LYG2: variants seen among roughly 807,000 people sequenced by gnomAD.
The protein encoded by LYG2 is lysozyme g2, also known as lysozyme g-like protein 2.
In LYG2, 25 loss-of-function variants were observed where a neutral mutation model predicts 22.4. That is an observed-to-expected ratio of 1.12 (90% CI 0.81 to 1.56). The LOEUF is 1.56. LYG2 is among the 40% of genes most tolerant of loss of function. The pLI is 0.00. For synonymous variants in LYG2, 88 were observed against 97.0 expected (o/e 0.91, Z 0.55); for missense variants, 266 against 269.5 (o/e 0.99, Z 0.09).
At chr2:99,260,752 T>C in the LYG2 span, among the ~76,000 whole-genome samples, 4 of 152,138 alleles carry the variant, frequency 2.6e-5, no homozygotes, top group Non-Finnish European at 5.9e-5. Context: ...AGCTTAAGCA[T>C]AGAAATTGGC....
At chr2:99,245,224 G>T in intron 5 of LYG2, 38 bp downstream of exon 5, 2 of 1,522,570 alleles carry the variant, frequency 1.3e-6, no homozygotes, top group African/African-American at 1.4e-5. Context: ...TGTGAGGAGG[G>T]ATGCAGTGGG....
At chr2:99,253,043 T>C (rs1188724347) in intron 3 of LYG2, among the ~76,000 whole-genome samples, 1 of 115,152 alleles carries the variant, frequency 8.7e-6, no homozygotes, top group Non-Finnish European at 1.8e-5. Context: ...AGCAAGACTC[T>C]GTCTCAAAAA....
chr2:99,243,522 A>ATAGATAGG, intron 6 of LYG2: 1 of 1,525,254 alleles, frequency 6.6e-7, no homozygotes, highest in Non-Finnish European at 8.9e-7. Context: ...AGATAGATAG[A>ATAGATAGG]TAGATAGATA....
intron 5 of LYG2, 24 bp from the exon 6 acceptor site, chr2:99,244,161 C>T (rs375881263): frequency 7.5e-6 from 12 of 1,608,314 alleles, no homozygotes; most frequent in South Asian, 1.1e-5. Context: ...ATAATAAAGT[C>T]AGCATCTGGA....
At position 99,242,453 on chromosome 2, in the gene LYG2, C is replaced by T. The variant is rs770299068; in HGVS notation, c.550G>A (p.Glu184Lys). 6.2e-7 allele frequency: 1 copy of T among 1,612,546 alleles called. No individual in the cohort carries two copies. The highest frequency in any genetic ancestry group is 8.5e-7 in the Non-Finnish European group (1 of 1,179,122). Reference sequence around the variant, plus strand: ...ATGTCCGATGGGGTGGCAATCGCTTCAATTCCTGACTTAAAAGCTGAGAGA... The same window carrying T: ...ATGTCCGATGGGGTGGCAATCGCTTTAATTCCTGACTTAAAAGCTGAGAGA... ...GGLSAFKSGI[E>K]AIATPSDIDN... Residue 184 changes from glutamate to lysine, a missense_variant, in exon 7 of 7, where the codon GAA becomes AAA. Glu to Lys is a moderately conservative substitution (Grantham distance 56). Transcript: ENST00000333017.
At chr2:99,244,547 C>A (rs2094012407) in intron 5 of LYG2, among the ~76,000 whole-genome samples, 1 of 152,240 alleles carries the variant, frequency 6.6e-6, no homozygotes, top group East Asian at 1.9e-4. Flanking sequence ...TCCCCTTCCT[C>A]CAGTTTACCC....
chr2:99,243,442 T>A, intron 6 of LYG2: 2 of 1,550,094 alleles, frequency 1.3e-6, no homozygotes, highest in Non-Finnish European at 1.7e-6. Context: ...ATTTGGAAAG[T>A]TGTTGACAGT....
intron 6 of LYG2, chr2:99,243,687 G>A: frequency 2.1e-6 from 1 of 474,972 alleles, no homozygotes; most frequent in Non-Finnish European, 3.6e-6. Flanking sequence ...GTGTCACCAT[G>A]CCCAGCTTTT....
At chr2:99,259,959 CTTTTTTT>C (rs56186823), upstream of LYG2, among the ~76,000 whole-genome samples, 8 of 114,924 alleles carry the variant, frequency 7.0e-5, no homozygotes, top group African/African-American at 1.0e-4. Flanking sequence ...CAAAAGTAAA[CTTTTTTT>C]TTTTTTTTTT....
chr2:99,256,191 C>T (rs1041254757), upstream of LYG2, among the ~76,000 whole-genome samples: 1 of 152,194 alleles, frequency 6.6e-6, no homozygotes, highest in East Asian at 1.9e-4. Flanking sequence ...CATGCCCTCC[C>T]CAAGCTGAGG....
At chr2:99,248,736 TAATAA>T (rs577846030) in intron 3 of LYG2, among the ~76,000 whole-genome samples, 25 of 148,828 alleles carry the variant, frequency 1.7e-4, no homozygotes, top group East Asian at 5.9e-4. Flanking sequence ...AGTATAATAA[TAATAA>T]AATAAAATAA....
chr2:99,252,419 C>T (rs2094028266), intron 3 of LYG2, among the ~76,000 whole-genome samples: 1 of 152,018 alleles, frequency 6.6e-6, no homozygotes, highest in Admixed American at 6.5e-5. Flanking sequence ...CTCTCTCTTC[C>T]CTTTTTCCTC....
intron 2 of LYG2, 130 bp from the exon 3 acceptor site, chr2:99,254,415 G>A: frequency 4.4e-6 from 2 of 450,328 alleles, no homozygotes; most frequent in East Asian, 4.9e-5. Flanking sequence ...TTTCAAGATA[G>A]TATTCTCACA....
At chr2:99,251,875 T>G (rs2094027275) in intron 3 of LYG2, among the ~76,000 whole-genome samples, 1 of 142,922 alleles carries the variant, frequency 7.0e-6, no homozygotes, top group African/African-American at 2.5e-5. Context: ...TCTCACTCTG[T>G]CGCCCAGGCT....
chr2:99,246,319 A>G (rs1273575120), intron 4 of LYG2, among the ~76,000 whole-genome samples: 2 of 152,222 alleles, frequency 1.3e-5, no homozygotes, highest in Non-Finnish European at 2.9e-5. Context: ...CCGACACTCT[A>G]AAACCAGGAT....
intron 1 of LYG2, 177 bp from the exon 2 acceptor site, chr2:99,255,314 G>A (rs764425159): frequency 1.3e-5 from 2 of 152,074 alleles, no homozygotes; most frequent in Non-Finnish European, 2.9e-5. Context: ...TTTATATATG[G>A]TTTAAAACCC....
chr2:99,246,851 C>A, intron 3 of LYG2, 31 bp from the exon 4 acceptor site: 1 of 1,598,468 alleles, frequency 6.3e-7, no homozygotes, highest in Non-Finnish European at 8.5e-7. Context: ...TCACATGAAT[C>A]CTCTGAGAAG....
intron 3 of LYG2, among the ~76,000 whole-genome samples, chr2:99,247,039 T>C (rs896892266): frequency 3.3e-5 from 5 of 152,208 alleles, no homozygotes; most frequent in African/African-American, 9.7e-5. Context: ...GAAAACTCTA[T>C]GCAAAATATT....
At chr2:99,246,545 G>T in intron 4 of LYG2, 135 bp downstream of exon 4, 1 of 1,037,926 alleles carries the variant, frequency 9.6e-7, no homozygotes, top group Non-Finnish European at 1.4e-6. Flanking sequence ...CAGGATTGTG[G>T]TTTTTGCTCA....
Sources: gnomAD v4.1 joint callset for allele counts (sites outside exome capture counted in the v4.1 genomes callset) on GRCh38, gnomAD v4.1.1 for gene constraint, MANE v1.5 for transcripts, NCBI Gene and HGNC (gene_info 2026-07-23, HGNC 2026-07-21) for gene names.